CACNA2D3: variants seen among roughly 807,000 people sequenced by gnomAD.
The protein encoded by CACNA2D3 is calcium voltage-gated channel auxiliary subunit alpha2delta 3, also known as voltage-dependent calcium channel subunit alpha-2/delta-3.
Under a neutral mutation model 160.6 loss-of-function variants are expected in CACNA2D3, and 60 were observed. That is an observed-to-expected ratio of 0.37 (90% CI 0.30 to 0.46). CACNA2D3 has a LOEUF of 0.46. Ranked by LOEUF, CACNA2D3 falls within the 20% of genes least tolerant of loss-of-function variation. CACNA2D3 has a pLI of 1.00. For synonymous variants in CACNA2D3, 558 were observed against 492.9 expected (o/e 1.13, Z -1.75); for missense variants, 1,205 against 1,365.0 (o/e 0.88, Z 1.85).
At chr3:54,707,395 A>T (rs1700876694) in intron 11 of CACNA2D3, among the ~76,000 whole-genome samples, 2 of 152,174 alleles carry the variant, frequency 1.3e-5, no homozygotes. Flanking sequence ...AGGTTAGGTA[A>T]ATTATTCAAC....
intron 11 of CACNA2D3, among the ~76,000 whole-genome samples, chr3:54,682,606 GA>G (rs1700374554): frequency 6.6e-6 from 1 of 151,946 alleles, no homozygotes; most frequent in African/African-American, 2.4e-5. Flanking sequence ...GTAAAACTCT[GA>G]CTCAAAAAAG....
intron 9 of CACNA2D3, among the ~76,000 whole-genome samples, chr3:54,593,737 C>A (rs1230926278): frequency 6.6e-6 from 1 of 152,098 alleles, no homozygotes; most frequent in Non-Finnish European, 1.5e-5. Flanking sequence ...TTGTGCTTAT[C>A]CCTTGATAAG....
At chr3:54,580,127 TC>T (rs1702650028) in intron 8 of CACNA2D3, among the ~76,000 whole-genome samples, 1 of 152,088 alleles carries the variant, frequency 6.6e-6, no homozygotes, top group Non-Finnish European at 1.5e-5. Flanking sequence ...GGCAAGTCGA[TC>T]ATTTTTGCCG....
chr3:54,279,156 T>A (rs1010941762), intron 2 of CACNA2D3, among the ~76,000 whole-genome samples: 1 of 152,218 alleles, frequency 6.6e-6, no homozygotes, highest in East Asian at 1.9e-4. Context: ...ATGGAGAGAT[T>A]GGCTGTGTCT....
chr3:54,944,018 A>G (rs1440503732), intron 27 of CACNA2D3, among the ~76,000 whole-genome samples: 1 of 152,206 alleles, frequency 6.6e-6, no homozygotes, highest in Non-Finnish European at 1.5e-5. Context: ...GACTGGCCAT[A>G]GAATACCTGG....
intron 2 of CACNA2D3, among the ~76,000 whole-genome samples, chr3:54,209,239 A>T (rs1321076144): frequency 6.6e-6 from 1 of 152,236 alleles, no homozygotes; most frequent in African/African-American, 2.4e-5. Context: ...ATAGGCATCG[A>T]AATAATTGGA....
rs147927146 is a variant in CACNA2D3, at chr3:54,287,010, C to G, written c.205-33432C>G. Among the ~76,000 whole-genome samples, 319 of 152,260 alleles carry G rather than the reference C, an allele frequency of 2.1e-3. 3 individuals are homozygous for G. The highest frequency in any genetic ancestry group is 7.1e-3 in the African/African-American group (295 of 41,524). ...AAAGACCATCAAGGCTAGGAAGAAA[C>G]TGCATCAACTAAAGAGCAAAATCAC... is the stretch of plus-strand genomic sequence containing the variant. On this transcript the variant is annotated intron_variant, in intron 2 of 37. Transcript: ENST00000474759.
At chr3:54,271,668 A>G (rs1702624527) in intron 2 of CACNA2D3, among the ~76,000 whole-genome samples, 1 of 152,144 alleles carries the variant, frequency 6.6e-6, no homozygotes, top group Non-Finnish European at 1.5e-5. Context: ...CTACCAAGTT[A>G]CTGAAGTGAA....
chr3:54,660,652 T>C (rs995352839), intron 11 of CACNA2D3, among the ~76,000 whole-genome samples: 2 of 152,184 alleles, frequency 1.3e-5, no homozygotes, highest in African/African-American at 4.8e-5. Flanking sequence ...TTATCTGCCC[T>C]ACTTACCTTA....
At chr3:54,493,488 C>T (rs964064679) in intron 4 of CACNA2D3, among the ~76,000 whole-genome samples, 3 of 152,042 alleles carry the variant, frequency 2.0e-5, no homozygotes, top group African/African-American at 7.2e-5. Context: ...TGCCCTGGCC[C>T]CCACCTGTTT....
At chr3:54,412,119 G>C (rs1699677347) in intron 4 of CACNA2D3, among the ~76,000 whole-genome samples, 2 of 151,968 alleles carry the variant, frequency 1.3e-5, no homozygotes, top group African/African-American at 4.8e-5. Context: ...TTTGTGTCTG[G>C]TTTCTTTTAT....
chr3:54,939,789 A>G (rs998922312), intron 27 of CACNA2D3, among the ~76,000 whole-genome samples: 4 of 152,340 alleles, frequency 2.6e-5, no homozygotes, highest in South Asian at 2.1e-4. Flanking sequence ...CGGGAGAAGC[A>G]TGGCATTTTG....
intron 2 of CACNA2D3, among the ~76,000 whole-genome samples, chr3:54,269,369 A>C (rs1301204862): frequency 6.6e-6 from 1 of 151,054 alleles, no homozygotes; most frequent in East Asian, 1.9e-4. Context: ...TTCTGGTGTG[A>C]GTTTCCTCTT....
chr3:54,416,945 C>T (rs1039520989), intron 4 of CACNA2D3, among the ~76,000 whole-genome samples: 3 of 152,238 alleles, frequency 2.0e-5, no homozygotes, highest in Admixed American at 6.5e-5. Flanking sequence ...CTCAAGTTGC[C>T]ACTGTCAGGC....
At chr3:54,788,170 A>C (rs1456994773) in intron 13 of CACNA2D3, among the ~76,000 whole-genome samples, 2 of 152,164 alleles carry the variant, frequency 1.3e-5, no homozygotes, top group Non-Finnish European at 2.9e-5. Flanking sequence ...GAGTAATCTC[A>C]TCTGTCAGTC....
intron 9 of CACNA2D3, among the ~76,000 whole-genome samples, chr3:54,595,657 C>T (rs1702941335): frequency 6.6e-6 from 1 of 152,126 alleles, no homozygotes; most frequent in African/African-American, 2.4e-5. Flanking sequence ...CTGCCCTCTT[C>T]CTGAGGCTTT....
intron 11 of CACNA2D3, among the ~76,000 whole-genome samples, chr3:54,696,972 T>C (rs1700677356): frequency 6.6e-6 from 1 of 151,946 alleles, no homozygotes. Flanking sequence ...GCTCTGGAGC[T>C]CTCTTAAAAA....
chr3:54,454,416 A>T (rs1314381582), intron 4 of CACNA2D3, among the ~76,000 whole-genome samples: 3 of 152,046 alleles, frequency 2.0e-5, no homozygotes. Context: ...GCAACCACTG[A>T]TTGGCTTTTA....
intron 11 of CACNA2D3, among the ~76,000 whole-genome samples, chr3:54,723,012 G>T (rs1262570752): frequency 6.6e-6 from 1 of 152,206 alleles, no homozygotes; most frequent in Non-Finnish European, 1.5e-5. Context: ...CCTCCGCCAG[G>T]TACTCTGTCC....
Sources: gnomAD v4.1 joint callset for allele counts (sites outside exome capture counted in the v4.1 genomes callset) on GRCh38, gnomAD v4.1.1 for gene constraint, MANE v1.5 for transcripts, NCBI Gene and HGNC (gene_info 2026-07-23, HGNC 2026-07-21) for gene names.